The following PHACTR1 variants were observed in gnomAD, a reference collection of about 807,000 sequenced individuals.
The protein encoded by PHACTR1 is phosphatase and actin regulator 1, also known as RPEL repeat containing 1.
In PHACTR1, 16 loss-of-function variants were observed where a neutral mutation model predicts 69.2. That is an observed-to-expected ratio of 0.23 (90% CI 0.16 to 0.35). The LOEUF is 0.35. Ranked by LOEUF, PHACTR1 falls within the 10% of genes least tolerant of loss-of-function variation. PHACTR1 has a pLI of 1.00. For missense variants in PHACTR1, 510 were observed against 734.7 expected, an observed-to-expected ratio of 0.69 and a Z score of 3.54; for synonymous variants, 312 against 284.5, an observed-to-expected ratio of 1.10 and a Z score of -0.97.
intron 10 of PHACTR1, among the ~76,000 whole-genome samples, chr6:13,252,597 C>A (rs1363863795): frequency 1.3e-5 from 2 of 150,956 alleles, no homozygotes; most frequent in Non-Finnish European, 2.9e-5. Context: ...TTCTTAAAAT[C>A]TGCCATGCTG....
At chr6:12,908,200 T>C (rs1785961185) in intron 4 of PHACTR1, among the ~76,000 whole-genome samples, 1 of 152,222 alleles carries the variant, frequency 6.6e-6, no homozygotes, top group Non-Finnish European at 1.5e-5. Flanking sequence ...GCCCAAATCC[T>C]TTCTCATAGG....
intron 5 of PHACTR1, among the ~76,000 whole-genome samples, chr6:13,062,661 T>C (rs1807851201): frequency 6.6e-6 from 1 of 152,210 alleles, no homozygotes; most frequent in Admixed American, 6.5e-5. Flanking sequence ...TAGCCCCAGA[T>C]TTCTCATTCC....
chr6:13,133,820 G>T (rs932922640), intron 5 of PHACTR1, among the ~76,000 whole-genome samples: 4 of 151,060 alleles, frequency 2.6e-5, no homozygotes, highest in Non-Finnish European at 4.4e-5. Context: ...GAGCGTCTCT[G>T]CCCAGCCGCC....
chr6:13,186,198 C>G (rs1486936584), intron 7 of PHACTR1, among the ~76,000 whole-genome samples: 1 of 152,184 alleles, frequency 6.6e-6, no homozygotes, highest in Non-Finnish European at 1.5e-5. Context: ...TCACAGAAAA[C>G]TACAAAGGAG....
chr6:13,222,511 A>T (rs1444086801), intron 8 of PHACTR1, among the ~76,000 whole-genome samples: 4 of 152,222 alleles, frequency 2.6e-5, no homozygotes, highest in Non-Finnish European at 5.9e-5. Flanking sequence ...ATAAGTCAGG[A>T]ACTCACATGA....
chr6:12,961,926 G>T (rs547091139), intron 4 of PHACTR1, among the ~76,000 whole-genome samples: 7 of 151,728 alleles, frequency 4.6e-5, no homozygotes, highest in Non-Finnish European at 7.4e-5. Flanking sequence ...CTCTTTTTTT[G>T]TTGTTTTTGT....
At chr6:13,244,365 T>C (rs1220942703) in intron 10 of PHACTR1, among the ~76,000 whole-genome samples, 1 of 152,216 alleles carries the variant, frequency 6.6e-6, no homozygotes, top group Non-Finnish European at 1.5e-5. Flanking sequence ...GGCACCATTG[T>C]CATTGATAAA....
In PHACTR1 at chr6:13,259,026, G is replaced by A. The variant is rs150855593; in HGVS notation, c.1392-13834G>A. On this transcript the variant is annotated intron_variant, in intron 10 of 14. Transcript: ENST00000332995. ...AGCTAAAGGTGACCAAATCTCCTGA[G>A]TCACTTTAAAGTGGTGGAGCACTGG... Among the ~76,000 whole-genome samples the A allele has an allele frequency of 2.3e-3, 356 of 152,312 alleles. 1 individual carries two copies. The highest frequency in any genetic ancestry group is 8.0e-3 in the African/African-American group (333 of 41,562).
At chr6:13,069,625 A>T (rs531526472) in intron 5 of PHACTR1, among the ~76,000 whole-genome samples, 1 of 152,032 alleles carries the variant, frequency 6.6e-6, no homozygotes, top group East Asian at 1.9e-4. Context: ...TGGAACACTC[A>T]TCTATTCCAC....
At chr6:12,742,399 G>T (rs144270636) in intron 3 of PHACTR1, among the ~76,000 whole-genome samples, 1 of 152,050 alleles carries the variant, frequency 6.6e-6, no homozygotes, top group African/African-American at 2.4e-5. Context: ...TATAATTAGC[G>T]CATAATGAGA....
chr6:13,184,892 C>T (rs1762640172), intron 7 of PHACTR1: 1 of 1,366,500 alleles, frequency 7.3e-7, no homozygotes, highest in Non-Finnish European at 9.8e-7. Flanking sequence ...CCCAAAAAAC[C>T]TGCTGCTTTC....
intron 4 of PHACTR1, among the ~76,000 whole-genome samples, chr6:12,911,967 C>T (rs912571787): frequency 7.2e-5 from 11 of 152,092 alleles, no homozygotes; most frequent in Non-Finnish European, 1.6e-4. Context: ...GAGTGTTGTA[C>T]CTCAAAGCTG....
chr6:13,102,005 A>C (rs1372920341), intron 5 of PHACTR1, among the ~76,000 whole-genome samples: 1 of 152,196 alleles, frequency 6.6e-6, no homozygotes, highest in African/African-American at 2.4e-5. Flanking sequence ...CTGAACGTCC[A>C]TTCTCTAGTT....
intron 4 of PHACTR1, among the ~76,000 whole-genome samples, chr6:13,000,861 C>T (rs773418667): frequency 2.0e-5 from 3 of 152,050 alleles, no homozygotes; most frequent in Non-Finnish European, 4.4e-5. Context: ...TTCTTTCTTC[C>T]CCAAGATAAT....
In PHACTR1 at chr6:12,762,052, T is replaced by C. The variant is rs892944206; in HGVS notation, c.250+12262T>C. Among the ~76,000 whole-genome samples the C allele has an allele frequency of 7.2e-5, 11 of 152,190 alleles. No individual in the cohort carries two copies. The East Asian group carries it at 1.9e-3, about 27-fold the overall frequency. ...GAAGCAACTCTTTCAATAACAAAAG[T>C]GATTTCTCCCAACAGTTTTGGTGCG... On this transcript the variant is annotated intron_variant, in intron 4 of 14. Coordinates refer to ENST00000332995, the MANE Select transcript of PHACTR1 (RefSeq NM_030948.6).
intron 10 of PHACTR1, among the ~76,000 whole-genome samples, chr6:13,230,563 AAAAGG>A (rs1259403174): frequency 1.4e-5 from 2 of 147,942 alleles, no homozygotes; most frequent in Non-Finnish European, 3.0e-5. Context: ...AAAAAAAAAA[AAAAGG>A]AAGAGACAAT....
intron 8 of PHACTR1, among the ~76,000 whole-genome samples, chr6:13,223,288 T>A (rs898406177): frequency 6.6e-6 from 1 of 152,036 alleles, no homozygotes; most frequent in African/African-American, 2.4e-5. Flanking sequence ...CACAGAAAAT[T>A]TTTTCTTTAA....
intron 4 of PHACTR1, among the ~76,000 whole-genome samples, chr6:12,904,595 G>A (rs955428057): frequency 1.7e-4 from 25 of 151,184 alleles, no homozygotes; most frequent in African/African-American, 4.6e-4. Context: ...TTTACTTGCC[G>A]TAAGAATCAC....
rs534046424 is a variant in PHACTR1, at chr6:13,216,200, C to T, written c.986+10064C>T. Among the ~76,000 whole-genome samples the T allele has an allele frequency of 2.0e-5, 3 of 152,262 alleles. No individual in the cohort carries two copies. In the South Asian group the frequency reaches 6.2e-4, roughly 32 times the overall value. ...TTATTTTTAGGCCTTTCAAAGAGCA[C>T]AATACAATTTATAATCCTTGGGTAA... On this transcript the variant is annotated intron_variant, in intron 8 of 14. Coordinates refer to ENST00000332995, the MANE Select transcript of PHACTR1 (RefSeq NM_030948.6).
Sources: gnomAD v4.1 joint callset for allele counts (sites outside exome capture counted in the v4.1 genomes callset) on GRCh38, gnomAD v4.1.1 for gene constraint, MANE v1.5 for transcripts, NCBI Gene and HGNC (gene_info 2026-07-23, HGNC 2026-07-21) for gene names.